Variants in MARK1 observed in about 807,000 individuals in gnomAD.
The protein encoded by MARK1 is serine/threonine-protein kinase MARK1.
Under a neutral mutation model 96.3 loss-of-function variants are expected in MARK1, and 40 were observed. The ratio of observed to expected loss-of-function variants is 0.42; its 90% CI spans 0.32 to 0.54. The LOEUF is 0.54. Ranked by LOEUF, MARK1 falls within the 20% of genes least tolerant of loss-of-function variation. The pLI is 0.16. For missense variants in MARK1, 719 were observed against 984.6 expected (o/e 0.73, Z 3.61); for synonymous variants, 317 against 341.2 (o/e 0.93, Z 0.78).
At chr1:220,554,144 A>T (rs1392957956) in intron 1 of MARK1, among the ~76,000 whole-genome samples, 1 of 152,212 alleles carries the variant, frequency 6.6e-6, no homozygotes, top group African/African-American at 2.4e-5. Context: ...CTGAGGAGGC[A>T]GGTCCCTGAA....
Position 220,654,386 on chromosome 1 carries a change from A to C in MARK1, c.1988+1034A>C, listed in dbSNP as rs577002312. On this transcript the variant is annotated intron_variant, in intron 16 of 17. Coordinates refer to ENST00000366917, the MANE Select transcript of MARK1 (RefSeq NM_018650.5). The surrounding 1 kb of genome is among the most constrained non-coding windows in gnomAD (Gnocchi z 4.0). ...AAAGAGTGGATGTGGAAAAGAGAAGAAGCAGCTTCAGTCTTACTTGCCTTG... is the reference window on the plus strand; with the variant it reads ...AAAGAGTGGATGTGGAAAAGAGAAGCAGCAGCTTCAGTCTTACTTGCCTTG... 3.0e-4 allele frequency among the ~76,000 whole-genome samples: 46 copies of C among 152,324 alleles called. 1 individual carries two copies. The highest frequency in any genetic ancestry group is 9.4e-4 in the African/African-American group (39 of 41,570).
At chr1:220,564,824 G>A (rs981094640) in intron 1 of MARK1, among the ~76,000 whole-genome samples, 3 of 152,188 alleles carry the variant, frequency 2.0e-5, no homozygotes, top group African/African-American at 7.2e-5. Flanking sequence ...ATGTTGAAGT[G>A]TAGGGACTTC....
intron 9 of MARK1, chr1:220,627,678 T>A: frequency 5.6e-6 from 1 of 178,060 alleles, no homozygotes; most frequent in Non-Finnish European, 1.2e-5. Flanking sequence ...AGTTCTTAAC[T>A]TTGAACCATA....
At chr1:220,559,924 G>C (rs1449339901) in intron 1 of MARK1, among the ~76,000 whole-genome samples, 1 of 151,878 alleles carries the variant, frequency 6.6e-6, no homozygotes, top group African/African-American at 2.4e-5. Context: ...TTCTAAGACT[G>C]TGTTAGTCTG....
At chr1:220,556,474 T>A (rs1448951184) in intron 1 of MARK1, among the ~76,000 whole-genome samples, 1 of 92,402 alleles carries the variant, frequency 1.1e-5, no homozygotes, top group Admixed American at 1.7e-4. Context: ...CTAGGACCCA[T>A]GGGACTGTCA....
intron 1 of MARK1, among the ~76,000 whole-genome samples, chr1:220,543,775 G>T (rs1661301376): frequency 6.6e-6 from 1 of 152,120 alleles, no homozygotes; most frequent in African/African-American, 2.4e-5. Flanking sequence ...TACCTGAGGA[G>T]ATTGTTTCAA....
At chr1:220,571,472 G>A (rs1053593309) in intron 1 of MARK1, among the ~76,000 whole-genome samples, 1 of 152,108 alleles carries the variant, frequency 6.6e-6, no homozygotes, top group African/African-American at 2.4e-5. Flanking sequence ...TAAAAGTACT[G>A]TCACTGACAA....
intron 5 of MARK1, among the ~76,000 whole-genome samples, chr1:220,601,197 C>T (rs929784766): frequency 6.6e-6 from 1 of 152,042 alleles, no homozygotes; most frequent in Non-Finnish European, 1.5e-5. Flanking sequence ...GGATTACAGG[C>T]ATTAGCCACC....
intron 5 of MARK1, 63 bp from the exon 6 acceptor site, chr1:220,604,004 T>C: frequency 2.0e-6 from 2 of 999,960 alleles, no homozygotes; most frequent in South Asian, 1.7e-5. Flanking sequence ...AACTTGACAT[T>C]GCATATATTG....
At chr1:220,588,296 A>C (rs1003730754) in intron 3 of MARK1, among the ~76,000 whole-genome samples, 1 of 152,218 alleles carries the variant, frequency 6.6e-6, no homozygotes. Flanking sequence ...TGAAATTGGT[A>C]CTAGTTCATA....
intron 9 of MARK1, among the ~76,000 whole-genome samples, chr1:220,619,285 T>A (rs184089446): frequency 6.6e-6 from 1 of 152,168 alleles, no homozygotes; most frequent in Non-Finnish European, 1.5e-5. Context: ...CCATCCTTGC[T>A]AACATGGTGA....
At chr1:220,647,341 A>G (rs1042349550) in intron 13 of MARK1, among the ~76,000 whole-genome samples, 3 of 152,224 alleles carry the variant, frequency 2.0e-5, no homozygotes, top group Non-Finnish European at 4.4e-5. Context: ...AATCAAAACC[A>G]TAATGAGATA....
intron 13 of MARK1, among the ~76,000 whole-genome samples, chr1:220,642,393 G>T (rs1391891200): frequency 6.6e-6 from 1 of 152,182 alleles, no homozygotes; most frequent in Non-Finnish European, 1.5e-5. Context: ...GCTTCTTTAG[G>T]TGGGACCTGG....
At chr1:220,626,188 T>C in intron 9 of MARK1, 3 of 578,714 alleles carry the variant, frequency 5.2e-6, no homozygotes, top group South Asian at 4.7e-5. Flanking sequence ...TGGCTTCTAT[T>C]ACATCAATGA....
At chr1:220,574,420 C>T (rs1474390256) in intron 1 of MARK1, among the ~76,000 whole-genome samples, 5 of 152,298 alleles carry the variant, frequency 3.3e-5, no homozygotes, top group East Asian at 1.9e-4. Flanking sequence ...CTTCATTTTT[C>T]CCAAGGTTTT....
intron 11 of MARK1, among the ~76,000 whole-genome samples, chr1:220,634,778 T>A (rs1667853874): frequency 6.6e-6 from 1 of 152,112 alleles, no homozygotes. Context: ...CAACCTGCAG[T>A]TTACCATGCT....
chr1:220,612,056 T>G (rs1666477672), intron 6 of MARK1, among the ~76,000 whole-genome samples: 1 of 152,218 alleles, frequency 6.6e-6, no homozygotes, highest in African/African-American at 2.4e-5. Context: ...TAAGTATTAT[T>G]CATTTAATAT....
intron 15 of MARK1, 147 bp from the exon 16 acceptor site, chr1:220,652,954 C>A: frequency 2.4e-6 from 2 of 840,032 alleles, no homozygotes; most frequent in Non-Finnish European, 1.8e-6. Flanking sequence ...TGAAATTTTA[C>A]TCCAAACCCA....
intron 1 of MARK1, among the ~76,000 whole-genome samples, chr1:220,533,061 T>G (rs1031449058): frequency 6.6e-6 from 1 of 152,104 alleles, no homozygotes; most frequent in Non-Finnish European, 1.5e-5. Flanking sequence ...TATAAGATAC[T>G]TTATTAGAGG....
Sources: gnomAD v4.1 joint callset for allele counts (sites outside exome capture counted in the v4.1 genomes callset) on GRCh38, gnomAD v4.1.1 for gene constraint, Gnocchi (gnomAD v3.1) non-coding constraint, MANE v1.5 for transcripts, NCBI Gene and HGNC (gene_info 2026-07-23, HGNC 2026-07-21) for gene names.